The following XPR1 variants were observed in gnomAD, a reference collection of about 807,000 sequenced individuals.
XPR1 encodes the protein solute carrier family 53 member 1.
In XPR1, 28 loss-of-function variants were observed where a neutral mutation model predicts 87.5. The observed-to-expected ratio is 0.32, with a 90% CI of 0.24 to 0.44. The LOEUF is 0.44. Among genes scored for constraint, XPR1 ranks in the 20% least tolerant of loss-of-function variants. The pLI, the probability that XPR1 is intolerant of heterozygous loss-of-function variation, is 1.00. For missense variants in XPR1, 559 were observed against 862.3 expected (o/e 0.65, Z 4.41); for synonymous variants, 300 against 306.1 (o/e 0.98, Z 0.21).
In XPR1 at chr1:180,647,126, G is replaced by A. The variant is rs117818618; in HGVS notation, c.69+14856G>A. Among the ~76,000 whole-genome samples, 387 of 152,256 alleles carry A rather than the reference G, an allele frequency of 2.5e-3. 4 individuals carry two copies. Among genetic ancestry groups the A allele is most frequent in the South Asian group, 8.1e-3 (39 of 4,824 alleles). ...GCAGCAACCTAGATCCCTCGCATGC[G>A]CAGTTCACAATAGGGTTCACCCTCC... On this transcript the variant is annotated intron_variant, in intron 1 of 14. Coordinates refer to ENST00000367590, the MANE Select transcript of XPR1 (RefSeq NM_004736.4).
intron 2 of XPR1, among the ~76,000 whole-genome samples, chr1:180,741,953 C>T (rs182426908): frequency 9.9e-5 from 15 of 152,278 alleles, no homozygotes; most frequent in Non-Finnish European, 1.5e-4. Context: ...GTAGTTTTCT[C>T]AGTATCCTTG....
At chr1:180,695,227 A>T (rs900797865) in intron 2 of XPR1, among the ~76,000 whole-genome samples, 12 of 152,068 alleles carry the variant, frequency 7.9e-5, no homozygotes, top group Non-Finnish European at 1.8e-4. Context: ...TCCTTTGCCC[A>T]CTTTGTAATG....
chr1:180,680,149 A>G (rs1656516336), intron 1 of XPR1, among the ~76,000 whole-genome samples: 1 of 152,146 alleles, frequency 6.6e-6, no homozygotes, highest in African/African-American at 2.4e-5. Flanking sequence ...CATCAAAGAA[A>G]TACAAATCAA....
At chr1:180,727,118 C>G (rs1452638655) in intron 2 of XPR1, among the ~76,000 whole-genome samples, 1 of 152,064 alleles carries the variant, frequency 6.6e-6, no homozygotes, top group African/African-American at 2.4e-5. Flanking sequence ...CTGCCTCAGC[C>G]TCCCAAAGTG....
chr1:180,661,018 C>T (rs533326823), intron 1 of XPR1, among the ~76,000 whole-genome samples: 1 of 152,254 alleles, frequency 6.6e-6, no homozygotes, highest in East Asian at 1.9e-4. Flanking sequence ...CTGTATATAT[C>T]TGGGTGCTCC....
chr1:180,683,122 C>A (rs1388636854), intron 2 of XPR1, among the ~76,000 whole-genome samples: 1 of 144,434 alleles, frequency 6.9e-6, no homozygotes, highest in Non-Finnish European at 1.5e-5. Context: ...TCCCTCCCCC[C>A]ACCCCACAAC....
chr1:180,810,904 G>T (rs563950235), intron 6 of XPR1, among the ~76,000 whole-genome samples: 1 of 151,980 alleles, frequency 6.6e-6, no homozygotes, highest in East Asian at 1.9e-4. Context: ...AAAATCCGTG[G>T]ATGCTCAAGT....
chr1:180,642,775 T>A (rs920878397), intron 1 of XPR1, among the ~76,000 whole-genome samples: 1 of 152,158 alleles, frequency 6.6e-6, no homozygotes, highest in South Asian at 2.1e-4. Flanking sequence ...GATTATGTTA[T>A]AGAGGAATGA....
At chr1:180,807,002 A>G (rs1274875036) in intron 6 of XPR1, among the ~76,000 whole-genome samples, 1 of 152,194 alleles carries the variant, frequency 6.6e-6, no homozygotes, top group Non-Finnish European at 1.5e-5. Context: ...TAAGTCATGC[A>G]AAGTATATTT....
chr1:180,844,732 T>A (rs1272284219), intron 11 of XPR1, among the ~76,000 whole-genome samples: 1 of 152,248 alleles, frequency 6.6e-6, no homozygotes, highest in African/African-American at 2.4e-5. Context: ...CACTGCAGGT[T>A]GGGTTTGGGT....
chr1:180,763,671 G>A (rs1006948689), intron 2 of XPR1, among the ~76,000 whole-genome samples: 1 of 152,168 alleles, frequency 6.6e-6, no homozygotes, highest in Non-Finnish European at 1.5e-5. Context: ...GCTTATTGAA[G>A]GACTAGAGCA....
chr1:180,851,371 A>G (rs957447034), intron 11 of XPR1, among the ~76,000 whole-genome samples: 7 of 152,156 alleles, frequency 4.6e-5, no homozygotes, highest in African/African-American at 1.7e-4. Context: ...GGAGGAGTAG[A>G]GGGTAAGATG....
At chr1:180,756,474 A>T (rs909800641) in intron 2 of XPR1, among the ~76,000 whole-genome samples, 2 of 152,098 alleles carry the variant, frequency 1.3e-5, no homozygotes, top group Admixed American at 1.3e-4. Flanking sequence ...TGCCCATTTT[A>T]AAATTGTGTA....
At chr1:180,813,047 C>CG (rs970701371) in intron 7 of XPR1, among the ~76,000 whole-genome samples, 3 of 145,876 alleles carry the variant, frequency 2.1e-5, no homozygotes, top group Admixed American at 6.9e-5. Context: ...TTTTCCCCCC[C>CG]CCCAATGGAA....
chr1:180,853,790 G>C (rs1558039499), intron 11 of XPR1, among the ~76,000 whole-genome samples: 2 of 91,540 alleles, frequency 2.2e-5, no homozygotes. Flanking sequence ...GCATTCATGT[G>C]GTTTTTTTTT....
chr1:180,864,746 A>G (rs906453753), intron 12 of XPR1, among the ~76,000 whole-genome samples: 2 of 152,216 alleles, frequency 1.3e-5, no homozygotes, highest in South Asian at 4.1e-4. Flanking sequence ...CTGTACTCAG[A>G]TATTTTAGTA....
intron 1 of XPR1, among the ~76,000 whole-genome samples, chr1:180,654,963 T>C (rs551949768): frequency 3.3e-5 from 5 of 152,320 alleles, no homozygotes; most frequent in African/African-American, 4.8e-5. Context: ...CTAGATCTTA[T>C]AAAAAATCAA....
At chr1:180,750,350 A>G (rs901051593) in intron 2 of XPR1, among the ~76,000 whole-genome samples, 1 of 152,164 alleles carries the variant, frequency 6.6e-6, no homozygotes. Flanking sequence ...GAAATGGAAC[A>G]TGGAGATCCC....
intron 1 of XPR1, among the ~76,000 whole-genome samples, chr1:180,679,856 C>G (rs1231877134): frequency 6.6e-6 from 1 of 151,834 alleles, no homozygotes; most frequent in Non-Finnish European, 1.5e-5. Flanking sequence ...AGTAAGAACT[C>G]AAAATCACAG....
Sources: gnomAD v4.1 joint callset for allele counts (sites outside exome capture counted in the v4.1 genomes callset) on GRCh38, gnomAD v4.1.1 for gene constraint, MANE v1.5 for transcripts, NCBI Gene and HGNC (gene_info 2026-07-23, HGNC 2026-07-21) for gene names.